Variants in ZNF616 observed in about 807,000 individuals in gnomAD.
ZNF616 encodes zinc finger protein 616.
A neutral mutation model predicts 7.6 loss-of-function variants in ZNF616; 5 were observed. The ratio of observed to expected loss-of-function variants is 0.66; its 90% CI spans 0.34 to 1.38. The LOEUF is 1.38. Among genes scored for constraint, ZNF616 ranks in the 40% most tolerant of loss-of-function variants. ZNF616 has a pLI of 0.04. For missense variants in ZNF616, 913 were observed against 948.3 expected, an observed-to-expected ratio of 0.96 and a Z score of 0.49; for synonymous variants, 319 against 317.2, an observed-to-expected ratio of 1.01 and a Z score of -0.06.
At chr19:52,129,829 G>A (rs908737973) in intron 2 of ZNF616, among the ~76,000 whole-genome samples, 2 of 151,462 alleles carry the variant, frequency 1.3e-5, no homozygotes, top group Admixed American at 1.3e-4. Flanking sequence ...TGTCACCCAG[G>A]CTGGGGTGCA....
chr19:52,139,560 G>A lies in ZNF616; in HGVS notation c.-77+172C>T, dbSNP rs1419409312. The stretch of plus-strand genomic sequence containing the variant: ...CTCGACTGGTGGGAATCCACCTCGC[G>A]AGGGAGGACTTGACTTCGCCCGGGG... On this transcript the variant is annotated intron_variant, in intron 1 of 3. Transcript: ENST00000600228. The surrounding 1 kb of genome is among the most constrained non-coding windows in gnomAD (Gnocchi z 4.1). 6.6e-6 allele frequency among the ~76,000 whole-genome samples: 1 copy of A among 152,234 alleles called. No homozygotes were observed. The highest frequency in any genetic ancestry group is 1.5e-5 in the Non-Finnish European group (1 of 68,040).
At chr19:52,123,440 A>G (rs924444629) in intron 3 of ZNF616, among the ~76,000 whole-genome samples, 6 of 152,078 alleles carry the variant, frequency 3.9e-5, no homozygotes, top group African/African-American at 1.4e-4. Flanking sequence ...CCTTGAGCCC[A>G]TGAGTTCAAG....
At position 52,116,571 on chromosome 19, in the gene ZNF616, G is replaced by A. The variant is rs774053561; in HGVS notation, c.593C>T (p.Ser198Phe). The change falls in exon 4 of 4, where the codon TCC becomes TTC. Residue 198 changes from serine to phenylalanine, a missense_variant. Transcript: ENST00000600228. ...TATCCTCTGATGATTAATAAGGCTGGAAGACGCTTTAAAGGCTTTGCCACA... is the reference window on the plus strand; with the variant it reads ...TATCCTCTGATGATTAATAAGGCTGAAAGACGCTTTAAAGGCTTTGCCACA... ...NECGKAFKASSSLINHQRIHT... is the reference protein window; with the variant it reads ...NECGKAFKASFSLINHQRIHT... The A allele has an allele frequency of 4.3e-6, 7 of 1,613,924 alleles. No homozygotes were observed. The highest frequency in any genetic ancestry group is 1.7e-5 in the Admixed American group (1 of 59,992).
intron 1 of ZNF616, among the ~76,000 whole-genome samples, chr19:52,136,764 T>C (rs979734970): frequency 1.3e-5 from 2 of 152,086 alleles, no homozygotes; most frequent in Admixed American, 6.6e-5. Context: ...CCAATCAGTA[T>C]GTTTAAGAGA....
intron 1 of ZNF616, among the ~76,000 whole-genome samples, chr19:52,134,658 T>C (rs1311982349): frequency 1.3e-5 from 2 of 152,160 alleles, no homozygotes; most frequent in South Asian, 2.1e-4. Flanking sequence ...GAGAATTTTT[T>C]AGTGTGTAGG....
chr19:52,130,279 G>C (rs1364551063), intron 2 of ZNF616, among the ~76,000 whole-genome samples: 1 of 152,132 alleles, frequency 6.6e-6, no homozygotes, highest in Non-Finnish European at 1.5e-5. Context: ...CATGCCCAGT[G>C]CAGCCTCTTC....
chr19:52,115,943 T>C lies in ZNF616; in HGVS notation c.1221A>G (p.Lys407=). Residue 407 remains lysine, a synonymous_variant, in exon 4 of 4, where the codon AAA becomes AAG. Coordinates refer to ENST00000600228, the MANE Select transcript of ZNF616 (RefSeq NM_178523.5). ...AVHRRIHTVE[K]PCKCNECGKV... is the part of the protein sequence containing the mutation. ...TGCCACATTCATTGCATTTGCAAGG[T>C]TTCTCTACAGTGTGAATTCGTCGAT... The C allele has an allele frequency of 6.2e-7, 1 of 1,614,168 alleles. No homozygotes were observed. The highest frequency in any genetic ancestry group is 8.5e-7 in the Non-Finnish European group (1 of 1,180,026).
Position 52,115,629 on chromosome 19 carries a change from C to T in ZNF616, c.1535G>A (p.Arg512Gln), listed in dbSNP as rs760076744. ...FSQHSRLAVH[R>Q]RIHTGEKPYK... The stretch of plus-strand genomic sequence containing the variant: ...AGGTTTCTCTCCAGTATGAATTCTC[C>T]GATGCACTGCAAGACGTGAATGTTG... Residue 512 changes from arginine to glutamine, a missense_variant, in exon 4 of 4, where the codon CGG (arginine) becomes CAG (glutamine). Coordinates refer to ENST00000600228, the MANE Select transcript of ZNF616 (RefSeq NM_178523.5). The T allele has an allele frequency of 3.0e-5, 49 of 1,613,320 alleles. No homozygotes were observed. The highest frequency in any genetic ancestry group is 1.3e-4 in the African/African-American group (10 of 74,750).
At chr19:52,134,196 C>A (rs976389517) in intron 1 of ZNF616, among the ~76,000 whole-genome samples, 7 of 152,070 alleles carry the variant, frequency 4.6e-5, no homozygotes, top group Middle Eastern at 3.4e-3. Context: ...AAAGAAAATT[C>A]CAAAAAAGAA....
Position 52,115,292 on chromosome 19 carries a change from C to G in ZNF616, c.1872G>C (p.Gln624His). The stretch of plus-strand genomic sequence containing the variant: ...AAGGTTTCTCTCCGGTATGAATTCT[C>G]TGATGTCTATTGAGTGTGGAGCCCT... Reference protein sequence around the residue: ...FNQGSTLNRHQRIHTGEKPYK... With the variant: ...FNQGSTLNRHHRIHTGEKPYK... Residue 624 changes from glutamine to histidine, a missense_variant, in exon 4 of 4, where the codon CAG (glutamine) becomes CAC (histidine). Coordinates refer to ENST00000600228, the MANE Select transcript of ZNF616 (RefSeq NM_178523.5). 1.2e-6 allele frequency: 2 copies of G among 1,614,042 alleles called. No individual in the cohort carries two copies. The highest frequency in any genetic ancestry group is 1.7e-6 in the Non-Finnish European group (2 of 1,180,004).
Position 52,116,185 on chromosome 19 carries a change from A to T in ZNF616, c.979T>A (p.Cys327Ser). Residue 327 changes from cysteine to serine, a missense_variant, in exon 4 of 4, where the codon TGT (cysteine) becomes AGT (serine). Coordinates refer to ENST00000600228, the MANE Select transcript of ZNF616 (RefSeq NM_178523.5). ...TVHTGERPFKCNECGKTFKRS... is the reference protein window; with the variant it reads ...TVHTGERPFKSNECGKTFKRS... ...TTAAAGGTTTTGCCACACTCATTACATTTGAAGGGTCTCTCTCCAGTATGA... is the reference window on the plus strand; with the variant it reads ...TTAAAGGTTTTGCCACACTCATTACTTTTGAAGGGTCTCTCTCCAGTATGA... The T allele has an allele frequency of 6.2e-7, 1 of 1,614,184 alleles. No homozygotes were observed. The highest frequency in any genetic ancestry group is 1.7e-5 in the Admixed American group (1 of 60,002).
chr19:52,132,800 T>C (rs773091028), intron 1 of ZNF616, among the ~76,000 whole-genome samples: 5 of 152,174 alleles, frequency 3.3e-5, no homozygotes, highest in Non-Finnish European at 7.4e-5. Context: ...CTCTGGAATT[T>C]TGTTGTAGCA....
chr19:52,118,996 C>T (rs2088846452), intron 3 of ZNF616, among the ~76,000 whole-genome samples: 1 of 152,074 alleles, frequency 6.6e-6, no homozygotes, highest in Admixed American at 6.5e-5. Context: ...ACAGGTCACC[C>T]CAAATACTAA....
Position 52,116,952 on chromosome 19 carries a change from G to A in ZNF616, c.212C>T (p.Thr71Ile). ...ENSNTGERFQTVALERHQSYD... is the reference protein window; with the variant it reads ...ENSNTGERFQIVALERHQSYD... ...GCTTTGATGTCTTTCCAGTGCCACTGTTTGGAACCTTTCTCCTGTATTACT... is the reference window on the plus strand; with the variant it reads ...GCTTTGATGTCTTTCCAGTGCCACTATTTGGAACCTTTCTCCTGTATTACT... The change falls in exon 4 of 4, where the codon ACA becomes ATA. Residue 71 changes from threonine to isoleucine, a missense_variant. Coordinates refer to ENST00000600228, the MANE Select transcript of ZNF616 (RefSeq NM_178523.5). 6.2e-7 allele frequency: 1 copy of A among 1,613,292 alleles called. No individual in the cohort carries two copies. The highest frequency in any genetic ancestry group is 1.3e-5 in the African/African-American group (1 of 74,994).
chr19:52,122,913 C>T (rs573485935), intron 3 of ZNF616, among the ~76,000 whole-genome samples: 46 of 152,154 alleles, frequency 3.0e-4, no homozygotes, highest in African/African-American at 1.0e-3. Context: ...GGATTATAGG[C>T]GTGAGCCACC....
Position 52,113,453 on chromosome 19 carries a change from G to T in ZNF616, c.*1365C>A, listed in dbSNP as rs1252214605. The T allele has an allele frequency of 6.6e-6, 1 of 152,142 alleles. No homozygotes were observed. Among genetic ancestry groups the T allele is most frequent in the Non-Finnish European group, 1.5e-5 (1 of 68,026 alleles). 9.4% of individuals were successfully genotyped at this position (152,142 alleles called of 1,614,324 possible). On this transcript the variant is annotated 3_prime_UTR_variant, in exon 4 of 4. Transcript: ENST00000600228. ...TCAAACTGCAAAGGCGTGGACATTG[G>T]TTTTGTCTCACTTTAAGTTCTGGGT...
chr19:52,125,545 A>C (rs1408212822), intron 2 of ZNF616, among the ~76,000 whole-genome samples: 1 of 152,212 alleles, frequency 6.6e-6, no homozygotes, highest in African/African-American at 2.4e-5. Context: ...TTAGGTCCCC[A>C]GTGTCCTGGG....
Position 52,117,039 on chromosome 19 carries a change from G to T in ZNF616, c.140-15C>A. ...AGGAGAGATACCTGCAAAATATAAT[G>T]AACATGAGTTTTTTTTTAAACTACT... On this transcript the variant is annotated splice_polypyrimidine_tract_variant and intron_variant, in intron 3 of 3. Coordinates refer to ENST00000600228, the MANE Select transcript of ZNF616 (RefSeq NM_178523.5). 1 of 1,529,106 alleles carries T rather than the reference G, an allele frequency of 6.5e-7. No homozygotes were observed. Among genetic ancestry groups the T allele is most frequent in the South Asian group, 1.3e-5 (1 of 75,498 alleles). The allele number at this position is 1,529,106 out of a possible 1,614,324, so 94.7% of individuals were successfully genotyped here.
intron 1 of ZNF616, chr19:52,138,628 C>G (rs1370422049): frequency 6.6e-6 from 1 of 152,104 alleles, no homozygotes; most frequent in Non-Finnish European, 1.5e-5. Flanking sequence ...TCTTGTTGCT[C>G]TTTCTCCCCA....
Sources: allele counts gnomAD v4.1 joint callset (sites outside exome capture counted in the v4.1 genomes callset), GRCh38; gene constraint gnomAD v4.1.1; non-coding constraint Gnocchi (gnomAD v3.1); transcripts MANE v1.5; gene names NCBI Gene and HGNC (gene_info 2026-07-23, HGNC 2026-07-21).